The following TMPO variants were observed in gnomAD, a reference collection of about 807,000 sequenced individuals.
The protein encoded by TMPO is LEM domain containing 4.
In TMPO, 22 loss-of-function variants were observed where a neutral mutation model predicts 45.4. The ratio of observed to expected loss-of-function variants is 0.48; its 90% CI spans 0.35 to 0.69. The LOEUF (loss-of-function observed/expected upper bound fraction) is 0.69. TMPO is among the 30% of genes least tolerant of loss of function. The pLI is 0.01. For synonymous variants in TMPO, 241 were observed against 204.1 expected (o/e 1.18, Z -1.54); for missense variants, 512 against 548.8 (o/e 0.93, Z 0.67).
chr12:98,533,552 T>TG, intron 3 of TMPO: 1 of 1,614,190 alleles, frequency 6.2e-7, no homozygotes, highest in Non-Finnish European at 8.5e-7. Context: ...GTCCCTAGAC[T>TG]GAGTGAGAAG....
Position 98,534,086 on chromosome 12 carries a change from G to A in TMPO, c.565+2248G>A, listed in dbSNP as rs150445385. On this transcript the variant is annotated intron_variant, in intron 3 of 8. Transcript: ENST00000556029. ...CAGATTCTTAGCTCAGATCCTAGTC[G>A]TACCCACCAAGCGCTTGGGATTCTG... is the stretch of plus-strand genomic sequence containing the variant. 8.1e-6 allele frequency: 13 copies of A among 1,611,982 alleles called. No homozygotes were observed. The African/African-American group carries it at 9.3e-5, about 12-fold the overall frequency.
At chr12:98,527,667 T>G in intron 1 of TMPO, 1 of 535,876 alleles carries the variant, frequency 1.9e-6, no homozygotes, top group South Asian at 2.2e-5. Context: ...CAACAATGTC[T>G]TTAAGTTACT....
chr12:98,547,472 A>T (rs1878295171), intron 8 of TMPO, 101 bp from the exon 9 acceptor site: 3 of 1,374,786 alleles, frequency 2.2e-6, no homozygotes, highest in East Asian at 4.8e-5. Context: ...ACCTCAGGGA[A>T]TGTGCTTGGA....
chr12:98,534,406 T>G, intron 3 of TMPO: 1 of 1,600,596 alleles, frequency 6.2e-7, no homozygotes, highest in Non-Finnish European at 8.5e-7. Flanking sequence ...CATTTTCTTT[T>G]CTGTTAAGGT....
chr12:98,542,729 G>A (rs149584406), intron 4 of TMPO, among the ~76,000 whole-genome samples: 13,317 of 152,018 alleles, frequency 0.088, 666 homozygotes, highest in Non-Finnish European at 0.12. Context: ...GTGCTGGTGC[G>A]TGCCTGTAAT....
rs1383668564 is a variant in TMPO at position 98,544,433 on chromosome 12, A to C, written c.784-9A>C. The C allele has an allele frequency of 6.2e-7, 1 of 1,613,390 alleles. No individual in the cohort carries two copies. Among genetic ancestry groups the C allele is most frequent in the Non-Finnish European group, 8.5e-7 (1 of 1,179,566 alleles). On this transcript the variant is annotated splice_polypyrimidine_tract_variant and intron_variant, in intron 5 of 8. Transcript: ENST00000556029. ...ATTTATTGTTTTTGTTTTGTTTTCA[A>C]ACTAACAGGTGGAAACTTCAGAACA... is the stretch of plus-strand genomic sequence containing the variant.
chr12:98,544,193 T>C, intron 4 of TMPO, 37 bp from the exon 5 acceptor site: 2 of 1,611,456 alleles, frequency 1.2e-6, no homozygotes, highest in Non-Finnish European at 1.7e-6. Context: ...TATTTGATGT[T>C]AGAATATGAC....
intron 1 of TMPO, among the ~76,000 whole-genome samples, chr12:98,521,429 A>G (rs1265376730): frequency 1.3e-5 from 2 of 151,892 alleles, no homozygotes; most frequent in Non-Finnish European, 2.9e-5. Flanking sequence ...AACATTTTTA[A>G]TTAAATAAGA....
chr12:98,543,844 C>G (rs1295904829), intron 4 of TMPO, among the ~76,000 whole-genome samples: 2 of 152,120 alleles, frequency 1.3e-5, no homozygotes, highest in Non-Finnish European at 2.9e-5. Flanking sequence ...AGGAAACTGA[C>G]TTATAATAGA....
At chr12:98,540,536 G>A (rs917272433) in intron 4 of TMPO, among the ~76,000 whole-genome samples, 35 of 152,058 alleles carry the variant, frequency 2.3e-4, no homozygotes, top group Non-Finnish European at 3.8e-4. Flanking sequence ...GTGCCACCAC[G>A]CCCGGCTAAT....
rs140056242 is a variant in TMPO, at chr12:98,522,362, A to G, written c.280-5524A>G. 1.9e-3 allele frequency among the ~76,000 whole-genome samples: 286 copies of G among 152,344 alleles called. 1 individual carries two copies. The highest frequency in any genetic ancestry group is 6.5e-3 in the African/African-American group (272 of 41,582). ...AATATTTGAAGACCTGGAAAAGAAC[A>G]TAAAAGCATGCTACCAATAGGAAAT... On this transcript the variant is annotated intron_variant, in intron 1 of 8. Transcript: ENST00000556029.
chr12:98,533,966 G>T, intron 3 of TMPO: 1 of 1,611,888 alleles, frequency 6.2e-7, no homozygotes, highest in African/African-American at 1.3e-5. Context: ...TTAGCACTCT[G>T]TAGAGCATAT....
intron 4 of TMPO, among the ~76,000 whole-genome samples, chr12:98,540,907 A>T (rs543798792): frequency 6.6e-6 from 1 of 152,214 alleles, no homozygotes; most frequent in Non-Finnish European, 1.5e-5. Flanking sequence ...TGAAAGATTA[A>T]TCCATCTGTT....
rs1364477695 is a variant in TMPO, at chr12:98,516,129, C to A, written c.262C>A (p.Arg88=). ...TGGGGCCGCCGCCGCGGGCCGGAGC[C>A]GAGCAGCCGTCGGCAGGGTAAGGAC... ...GSGAAAAGRS[R]AAVGRKATKK... The change falls in exon 1 of 9, where the codon CGA becomes AGA. Residue 88 remains arginine (R), a synonymous_variant. Coordinates refer to ENST00000556029, the MANE Select transcript of TMPO (RefSeq NM_001032283.3). 1 of 1,473,674 alleles carries A rather than the reference C, an allele frequency of 6.8e-7. No individual in the cohort carries two copies. The highest frequency in any genetic ancestry group is 1.5e-5 in the African/African-American group (1 of 68,266). The allele number at this position is 1,473,674 out of a possible 1,614,324, so 91.3% of individuals were successfully genotyped here.
At chr12:98,542,784 G>A (rs1431607032) in intron 4 of TMPO, among the ~76,000 whole-genome samples, 5 of 152,112 alleles carry the variant, frequency 3.3e-5, no homozygotes, top group East Asian at 3.8e-4. Context: ...CTTGAACCTC[G>A]CAGGTGGAGG....
chr12:98,534,475 C>T (rs1877444984), intron 3 of TMPO: 3 of 1,514,968 alleles, frequency 2.0e-6, no homozygotes, highest in Non-Finnish European at 8.8e-7. Flanking sequence ...CATCAAATTA[C>T]AGTATAAAAG....
intron 4 of TMPO, among the ~76,000 whole-genome samples, chr12:98,538,673 A>G (rs773092302): frequency 6.6e-6 from 1 of 152,060 alleles, no homozygotes; most frequent in Non-Finnish European, 1.5e-5. Flanking sequence ...TTTAAAATCA[A>G]ATCCTTAGAG....
intron 4 of TMPO, 53 bp downstream of exon 4, chr12:98,537,625 C>A (rs1233943951): frequency 2.2e-6 from 3 of 1,334,700 alleles, no homozygotes; most frequent in Non-Finnish European, 2.1e-6. Context: ...CTCCTGACAA[C>A]ACTAATCCAT....
At chr12:98,532,908 A>AT (rs1347239018) in intron 3 of TMPO, 7 of 1,613,858 alleles carry the variant, frequency 4.3e-6, no homozygotes, top group South Asian at 3.3e-5. Context: ...CTGGTGGTGG[A>AT]TTTTTTCAGG....
Sources: allele counts gnomAD v4.1 joint callset (sites outside exome capture counted in the v4.1 genomes callset), GRCh38; gene constraint gnomAD v4.1.1; transcripts MANE v1.5; gene names NCBI Gene and HGNC (gene_info 2026-07-23, HGNC 2026-07-21).